Variants in CEP112 observed in about 807,000 individuals in gnomAD.
CEP112 encodes centrosomal protein 112.
In CEP112, 127 loss-of-function variants were observed where a neutral mutation model predicts 153.0. The ratio of observed to expected loss-of-function variants is 0.83; its 90% CI spans 0.72 to 0.96. The LOEUF is 0.96. Among genes scored for constraint, CEP112 ranks in the 40% least tolerant of loss-of-function variants. The pLI is 0.00. For synonymous variants in CEP112, 358 were observed against 374.4 expected, an observed-to-expected ratio of 0.96 and a Z score of 0.51; for missense variants, 1,089 against 1,101.2, an observed-to-expected ratio of 0.99 and a Z score of 0.16.
intron 6 of CEP112, among the ~76,000 whole-genome samples, chr17:66,110,969 G>A (rs981070574): frequency 6.6e-6 from 1 of 152,048 alleles, no homozygotes; most frequent in Non-Finnish European, 1.5e-5. Context: ...TCTGACTAGG[G>A]TCTAATATCC....
intron 4 of CEP112, among the ~76,000 whole-genome samples, chr17:66,154,537 A>T (rs1333719412): frequency 1.3e-5 from 2 of 152,130 alleles, no homozygotes; most frequent in African/African-American, 4.8e-5. Context: ...AAAATAAAAT[A>T]AAAATAATGC....
intron 2 of CEP112, among the ~76,000 whole-genome samples, chr17:66,180,202 G>A (rs568721347): frequency 5.1e-4 from 77 of 152,164 alleles, no homozygotes; most frequent in South Asian, 2.7e-3. Flanking sequence ...TGGCCTCGCA[G>A]AATGACTTTG....
chr17:65,784,207 C>T (rs977970657), intron 21 of CEP112, among the ~76,000 whole-genome samples: 2 of 152,064 alleles, frequency 1.3e-5, no homozygotes, highest in East Asian at 1.9e-4. Flanking sequence ...GTGAACTAGG[C>T]GAGTAATGTT....
Position 66,115,210 on chromosome 17 carries a change from A to C in CEP112, c.642+14536T>G, listed in dbSNP as rs73353843. Among the ~76,000 whole-genome samples, 1,111 of 152,256 alleles carry C rather than the reference A, an allele frequency of 7.3e-3. 12 individuals carry two copies. The highest frequency in any genetic ancestry group is 0.023 in the African/African-American group (939 of 41,556). On this transcript the variant is annotated intron_variant, in intron 6 of 26. Transcript: ENST00000535342. ...ACAGAGACTGTCTCAAACAAACAAA[A>C]AAAAAACCCTGACAATACTAGGTAT...
At chr17:65,887,133 G>C (rs954842284) in intron 20 of CEP112, among the ~76,000 whole-genome samples, 2 of 152,160 alleles carry the variant, frequency 1.3e-5, no homozygotes, top group Admixed American at 1.3e-4. Flanking sequence ...GGATATGCCT[G>C]TAACTTATAA....
At chr17:65,720,333 A>G (rs748138460) in intron 23 of CEP112, among the ~76,000 whole-genome samples, 1 of 152,196 alleles carries the variant, frequency 6.6e-6, no homozygotes, top group Non-Finnish European at 1.5e-5. Context: ...TTGTCAGAAC[A>G]TAGGTGGTAG....
intron 17 of CEP112, among the ~76,000 whole-genome samples, chr17:65,969,118 G>A (rs1320454890): frequency 7.4e-6 from 1 of 134,322 alleles, no homozygotes; most frequent in Non-Finnish European, 1.6e-5. Context: ...GTCTTGATCT[G>A]TCACCCCAGC....
chr17:65,702,293 T>C (rs537354068), intron 23 of CEP112, among the ~76,000 whole-genome samples: 3 of 152,320 alleles, frequency 2.0e-5, no homozygotes, highest in East Asian at 1.9e-4. Flanking sequence ...AAGATTAGCA[T>C]CCTGCACCCT....
chr17:66,052,356 T>C (rs1417268194), intron 12 of CEP112, among the ~76,000 whole-genome samples: 3 of 152,202 alleles, frequency 2.0e-5, no homozygotes, highest in Admixed American at 1.3e-4. Flanking sequence ...ACTGATGCGA[T>C]GCACTGAACA....
At chr17:65,790,654 G>A (rs1479345995) in intron 21 of CEP112, among the ~76,000 whole-genome samples, 1 of 152,146 alleles carries the variant, frequency 6.6e-6, no homozygotes, top group Admixed American at 6.5e-5. Flanking sequence ...TAAACACAGG[G>A]CTCAGGCCAT....
chr17:65,638,907 C>A (rs1432590147), intron 25 of CEP112, among the ~76,000 whole-genome samples: 1 of 149,600 alleles, frequency 6.7e-6, no homozygotes, highest in East Asian at 1.9e-4. Flanking sequence ...CTTTTTTTTT[C>A]CTCTTCCTAA....
At chr17:65,771,321 A>G (rs1295747115) in intron 21 of CEP112, among the ~76,000 whole-genome samples, 1 of 152,178 alleles carries the variant, frequency 6.6e-6, no homozygotes, top group Non-Finnish European at 1.5e-5. Flanking sequence ...ATAAAAATTG[A>G]ATTCATGAAA....
At chr17:65,737,080 C>T (rs971684960) in intron 23 of CEP112, among the ~76,000 whole-genome samples, 1 of 152,094 alleles carries the variant, frequency 6.6e-6, no homozygotes, top group African/African-American at 2.4e-5. Context: ...AGCAGAAGAT[C>T]CTTGTTAAAT....
chr17:65,993,103 C>A (rs1167913409), intron 17 of CEP112, among the ~76,000 whole-genome samples: 1 of 152,104 alleles, frequency 6.6e-6, no homozygotes, highest in Non-Finnish European at 1.5e-5. Flanking sequence ...CACCTCACCC[C>A]CTAACAGGGC....
At chr17:66,128,343 G>GA (rs202183945) in intron 6 of CEP112, among the ~76,000 whole-genome samples, 6,096 of 129,830 alleles carry the variant, frequency 0.047, 164 homozygotes, top group South Asian at 0.076. Context: ...AAAAGTATAA[G>GA]AAAAAAAAAG....
Position 66,191,125 on chromosome 17 carries a change from C to T in CEP112, c.-9+872G>A, listed in dbSNP as rs1053673236. Among the ~76,000 whole-genome samples, 6 of 152,226 alleles carry T rather than the reference C, an allele frequency of 3.9e-5. No individual in the cohort carries two copies. The highest frequency in any genetic ancestry group is 3.4e-3 in the Middle Eastern group (1 of 294). On this transcript the variant is annotated intron_variant, in intron 1 of 26. Transcript: ENST00000535342. This position sits in a 1 kb window ranked among gnomAD's most constrained non-coding sequence, Gnocchi z 4.2. ...TTCTCTGGCCCGGCCCTACCATTTC[C>T]GCACCATTTCCATGGTCATTTCACA...
chr17:65,937,586 C>T (rs1266082519), intron 18 of CEP112, among the ~76,000 whole-genome samples: 4 of 89,874 alleles, frequency 4.5e-5, no homozygotes, highest in African/African-American at 7.2e-5. Flanking sequence ...CAGCCCCCCA[C>T]CCGGCCAGCC....
intron 23 of CEP112, among the ~76,000 whole-genome samples, chr17:65,707,522 T>G (rs1410889929): frequency 6.6e-6 from 1 of 152,176 alleles, no homozygotes; most frequent in African/African-American, 2.4e-5. Flanking sequence ...TCACCATGCT[T>G]AGAAGGTCCT....
At chr17:65,659,556 C>T (rs1410717280) in intron 24 of CEP112, among the ~76,000 whole-genome samples, 1 of 152,214 alleles carries the variant, frequency 6.6e-6, no homozygotes, top group East Asian at 1.9e-4. Flanking sequence ...ATGAATCTCC[C>T]ACCTTCCAGC....
Sources: allele counts gnomAD v4.1 joint callset (sites outside exome capture counted in the v4.1 genomes callset), GRCh38; gene constraint gnomAD v4.1.1; non-coding constraint Gnocchi (gnomAD v3.1); transcripts MANE v1.5; gene names NCBI Gene and HGNC (gene_info 2026-07-23, HGNC 2026-07-21).